TACC2: variants seen among roughly 807,000 people sequenced by gnomAD.
TACC2 encodes transforming acidic coiled-coil-containing protein 2.
In TACC2, 137 loss-of-function variants were observed where a neutral mutation model predicts 227.3. That is an observed-to-expected ratio of 0.60 (90% CI 0.52 to 0.69). TACC2 has a LOEUF of 0.69. Ranked by LOEUF, TACC2 falls within the 30% of genes least tolerant of loss-of-function variation. The probability of loss-of-function intolerance (pLI) is 0.00; values close to 1 mark genes in which losing one functional copy is unlikely to be tolerated. For missense variants in TACC2, 3,470 were observed against 3,694.4 expected, an observed-to-expected ratio of 0.94 and a Z score of 1.57; for synonymous variants, 1,523 against 1,487.5, an observed-to-expected ratio of 1.02 and a Z score of -0.55.
chr10:122,144,440 T>C (rs1280803013), intron 7 of TACC2, among the ~76,000 whole-genome samples: 1 of 152,190 alleles, frequency 6.6e-6, no homozygotes, highest in Non-Finnish European at 1.5e-5. Flanking sequence ...CATTAAAGCC[T>C]CCTAAAGAGC....
Position 122,210,293 on chromosome 10 carries a change from G to C in TACC2, c.5972-104G>C. On this transcript the variant is annotated intron_variant, in intron 8 of 22. Transcript: ENST00000369005. This position sits in a 1 kb window ranked among gnomAD's most constrained non-coding sequence, Gnocchi z 4.6. Reference sequence around the variant, plus strand: ...GATGGGCGGGGTGGCCTGGGGCCGTGGTTTGTCAACCCCTACGCTGGAGGG... The same window carrying C: ...GATGGGCGGGGTGGCCTGGGGCCGTCGTTTGTCAACCCCTACGCTGGAGGG... 2.2e-6 allele frequency: 2 copies of C among 920,982 alleles called. No homozygotes were observed. The highest frequency in any genetic ancestry group is 1.7e-6 in the Non-Finnish European group (1 of 575,884). The allele number at this position is 920,982 out of a possible 1,614,324, so 57.1% of individuals were successfully genotyped here.
chr10:122,122,229 C>T (rs2138453366), intron 5 of TACC2, among the ~76,000 whole-genome samples: 1 of 152,176 alleles, frequency 6.6e-6, no homozygotes, highest in East Asian at 1.9e-4. Flanking sequence ...GTGGTGGGCA[C>T]CTATAGTCCC....
intron 7 of TACC2, among the ~76,000 whole-genome samples, chr10:122,144,852 T>C (rs1055145980): frequency 2.0e-5 from 3 of 152,162 alleles, no homozygotes; most frequent in African/African-American, 7.2e-5. Flanking sequence ...ATCCTTCAGA[T>C]TGTTGTTGGC....
chr10:122,213,974 G>A (rs1002801624), intron 9 of TACC2, among the ~76,000 whole-genome samples: 5 of 152,136 alleles, frequency 3.3e-5, no homozygotes, highest in Non-Finnish European at 1.5e-5. Flanking sequence ...GCTGGGTGTC[G>A]GCATGCCTTG....
intron 5 of TACC2, among the ~76,000 whole-genome samples, chr10:122,090,363 G>A (rs1274235832): frequency 6.6e-6 from 1 of 151,708 alleles, no homozygotes; most frequent in East Asian, 2.0e-4. Context: ...TGGCTAACAC[G>A]GTGAAACCCC....
chr10:122,032,525 G>T (rs999701091), intron 2 of TACC2, among the ~76,000 whole-genome samples: 1 of 152,190 alleles, frequency 6.6e-6, no homozygotes, highest in Non-Finnish European at 1.5e-5. Context: ...AGGGCAAAGG[G>T]TAAGGGACAG....
At chr10:122,244,486 A>C (rs999694899) in intron 19 of TACC2, among the ~76,000 whole-genome samples, 2 of 152,074 alleles carry the variant, frequency 1.3e-5, no homozygotes, top group Non-Finnish European at 2.9e-5. Context: ...GTCACCGTAG[A>C]TTTCAAGGTC....
At chr10:122,123,178 T>A (rs1055706176) in intron 5 of TACC2, among the ~76,000 whole-genome samples, 1 of 152,174 alleles carries the variant, frequency 6.6e-6, no homozygotes, top group Admixed American at 6.5e-5. Context: ...AATTTTTTTG[T>A]ATTTTTAGTA....
rs1361941186 is a variant in TACC2, at chr10:122,108,638, G to T, written c.5573+20047G>T. 3.3e-5 allele frequency among the ~76,000 whole-genome samples: 5 copies of T among 151,142 alleles called. No individual in the cohort carries two copies. The East Asian group carries it at 7.8e-4, about 24-fold the overall frequency. On this transcript the variant is annotated intron_variant, in intron 5 of 22. Coordinates refer to ENST00000369005, the MANE Select transcript of TACC2 (RefSeq NM_206862.4). ...TTTTTGTATGTTTAGTAGAGACGAG[G>T]TTTCACCATGTTGGCCAGGATGTTC...
In TACC2 at chr10:122,084,236, A is replaced by C. The variant is rs1223564644; in HGVS notation, c.1736A>C (p.Lys579Thr). The stretch of plus-strand genomic sequence containing the variant: ...TCACCTGGTGACAGCCCTGGAGGAA[A>C]GGAGGAAGCCCCAGAGCCACCTGAT... ...SRSPGDSPGG[K>T]EEAPEPPDGG... The change falls in exon 4 of 23, where the codon AAG becomes ACG. Residue 579 changes from lysine to threonine, a missense_variant. Coordinates refer to ENST00000369005, the MANE Select transcript of TACC2 (RefSeq NM_206862.4). The C allele has an allele frequency of 1.9e-6, 3 of 1,614,086 alleles. No individual in the cohort carries two copies. The highest frequency in any genetic ancestry group is 2.5e-6 in the Non-Finnish European group (3 of 1,180,040).
At position 122,082,879 on chromosome 10, in the gene TACC2, G is replaced by A. The variant is rs2079684343; in HGVS notation, c.379G>A (p.Ala127Thr). 4 of 1,613,438 alleles carry A rather than the reference G, an allele frequency of 2.5e-6. No individual in the cohort carries two copies. The highest frequency in any genetic ancestry group is 3.4e-6 in the Non-Finnish European group (4 of 1,180,024). Residue 127 changes from alanine (A) to threonine (T), a missense_variant, in exon 4 of 23, where the codon GCG becomes ACG. By Grantham distance (58) the Ala-to-Thr change is moderately conservative (BLOSUM62 0). Coordinates refer to ENST00000369005, the MANE Select transcript of TACC2 (RefSeq NM_206862.4). The part of the protein sequence containing the change: ...PPEGCLASPA[A>T]APEDGPQTQS... ...GGAAGGTTGCTTGGCAAGTCCAGCA[G>A]CGGCACCTGAAGATGGTCCTCAGAC...
intron 3 of TACC2, among the ~76,000 whole-genome samples, chr10:122,062,216 G>T (rs748660964): frequency 6.6e-6 from 1 of 151,320 alleles, no homozygotes; most frequent in Non-Finnish European, 1.5e-5. Context: ...GTATTTTTTA[G>T]TAGAGACGGG....
In TACC2 at chr10:122,018,154, G is replaced by A. The variant is rs144021919; in HGVS notation, c.-45-3783G>A. Among the ~76,000 whole-genome samples the A allele has an allele frequency of 5.8e-3, 885 of 152,116 alleles. 6 individuals carry two copies. The highest frequency in any genetic ancestry group is 0.01 in the Middle Eastern group (3 of 294). On this transcript the variant is annotated intron_variant, in intron 1 of 22. Transcript: ENST00000369005. ...CATCCCCCAACAGGCCCTGGTGTAT[G>A]TTGTTCCCCTCTCTGTGTCCATGTG...
At chr10:122,121,117 G>A (rs1483365593) in intron 5 of TACC2, among the ~76,000 whole-genome samples, 2 of 152,190 alleles carry the variant, frequency 1.3e-5, no homozygotes, top group East Asian at 3.8e-4. Context: ...TGGGGTGCCT[G>A]AAGGAGCAGC....
rs537471259 is a variant in TACC2, at chr10:122,097,690, AGGACTGCCCC to A, written c.5573+9100_5573+9109del. Among the ~76,000 whole-genome samples the A allele has an allele frequency of 2.2e-3, 334 of 152,258 alleles. 1 individual carries two copies. Among genetic ancestry groups the A allele is most frequent in the African/African-American group, 7.5e-3 (312 of 41,548 alleles). ...TGGAGGGGTGATGCTGGGTGCTATTAGGACTGCCCCAAGCCTCAGCTTCTTTGCAGGTAAA... is the reference window on the plus strand; with the variant it reads ...TGGAGGGGTGATGCTGGGTGCTATTAAAGCCTCAGCTTCTTTGCAGGTAAA... On this transcript the variant is annotated intron_variant, in intron 5 of 22. Coordinates refer to ENST00000369005, the MANE Select transcript of TACC2 (RefSeq NM_206862.4).
chr10:122,249,205 T>C, intron 21 of TACC2, 49 bp downstream of exon 21: 6 of 1,417,416 alleles, frequency 4.2e-6, no homozygotes, highest in Non-Finnish European at 5.9e-6. Context: ...CCAGCAGCCC[T>C]TTTACCCAGG....
At chr10:122,010,721 G>A (rs1955816915) in intron 1 of TACC2, among the ~76,000 whole-genome samples, 2 of 152,204 alleles carry the variant, frequency 1.3e-5, no homozygotes, top group African/African-American at 4.8e-5. Flanking sequence ...AGATCTTCAT[G>A]ACTGCCAGCC....
At chr10:122,183,409 A>G (rs1365631873) in intron 7 of TACC2, among the ~76,000 whole-genome samples, 1 of 152,048 alleles carries the variant, frequency 6.6e-6, no homozygotes, top group Admixed American at 6.5e-5. Context: ...AGAGTAACAG[A>G]ATTCAGGGTT....
intron 6 of TACC2, among the ~76,000 whole-genome samples, chr10:122,135,569 C>T (rs1423326815): frequency 1.3e-5 from 2 of 151,698 alleles, no homozygotes; most frequent in Non-Finnish European, 2.9e-5. Flanking sequence ...GTTGTTTTTA[C>T]TGGATTGGTG....
Sources: allele counts gnomAD v4.1 joint callset (sites outside exome capture counted in the v4.1 genomes callset), GRCh38; gene constraint gnomAD v4.1.1; non-coding constraint Gnocchi (gnomAD v3.1); transcripts MANE v1.5; gene names NCBI Gene and HGNC (gene_info 2026-07-23, HGNC 2026-07-21).